DGCR2: variants seen among roughly 807,000 people sequenced by gnomAD.
The protein encoded by DGCR2 is integral membrane protein DGCR2/IDD.
In DGCR2, 24 loss-of-function variants were observed where a neutral mutation model predicts 51.6. The ratio of observed to expected loss-of-function variants is 0.47; its 90% CI spans 0.34 to 0.65. The LOEUF is 0.65. Ranked by LOEUF, DGCR2 falls within the 30% of genes least tolerant of loss-of-function variation. The pLI is 0.01. For missense variants in DGCR2, 765 were observed against 772.1 expected (o/e 0.99, Z 0.11); for synonymous variants, 340 against 315.4 (o/e 1.08, Z -0.82).
intron 7 of DGCR2, among the ~76,000 whole-genome samples, chr22:19,043,028 C>T (rs979748382): frequency 8.5e-5 from 13 of 152,182 alleles, no homozygotes; most frequent in African/African-American, 2.2e-4. Flanking sequence ...TGGGTACACA[C>T]GCACCAAGCG....
At chr22:19,080,256 C>A (rs1300731235) in intron 2 of DGCR2, among the ~76,000 whole-genome samples, 1 of 152,180 alleles carries the variant, frequency 6.6e-6, no homozygotes, top group African/African-American at 2.4e-5. Flanking sequence ...CCTGGTGTCA[C>A]TTATTTTGCA....
At chr22:19,116,723 G>T (rs1015921054) in intron 1 of DGCR2, among the ~76,000 whole-genome samples, 1 of 152,132 alleles carries the variant, frequency 6.6e-6, no homozygotes, top group Non-Finnish European at 1.5e-5. Flanking sequence ...TTAGAGTCAA[G>T]AAACTACTAA....
chr22:19,088,364 G>T (rs2083041016), intron 2 of DGCR2, among the ~76,000 whole-genome samples: 1 of 152,128 alleles, frequency 6.6e-6, no homozygotes, highest in African/African-American at 2.4e-5. Context: ...CTCCCACTGG[G>T]GTAACATCTG....
At position 19,039,096 on chromosome 22, in the gene DGCR2, C is replaced by T. The variant is rs1384562402; in HGVS notation, c.1422G>A (p.Glu474=). Residue 474 remains glutamate, a synonymous_variant, in exon 10 of 10, where the codon GAG becomes GAA. Transcript: ENST00000263196. ...PADDDAFEPV[E]VSLPAPGDGG... is the part of the protein sequence containing the mutation. The stretch of plus-strand genomic sequence containing the variant: ...CATCCCCAGGGGCTGGCAGGCTGAC[C>T]TCCACAGGCTCAAAAGCATCATCGT... The T allele has an allele frequency of 1.2e-6, 2 of 1,613,190 alleles. No individual in the cohort carries two copies. Among genetic ancestry groups the T allele is most frequent in the East Asian group, 4.5e-5 (2 of 44,880 alleles).
chr22:19,119,247 TG>T (rs2083405722), intron 1 of DGCR2, among the ~76,000 whole-genome samples: 1 of 152,102 alleles, frequency 6.6e-6, no homozygotes, highest in Admixed American at 6.5e-5. Flanking sequence ...GGGTGCATGA[TG>T]GGGGGAAGGC....
At chr22:19,081,721 A>C (rs1247945943) in intron 2 of DGCR2, among the ~76,000 whole-genome samples, 1 of 152,242 alleles carries the variant, frequency 6.6e-6, no homozygotes, top group Non-Finnish European at 1.5e-5. Context: ...ACAGAAAATA[A>C]GAATGTTCAG....
chr22:19,121,218 C>A (rs1230071253), intron 1 of DGCR2, among the ~76,000 whole-genome samples: 1 of 152,164 alleles, frequency 6.6e-6, no homozygotes, highest in Admixed American at 6.5e-5. Context: ...TGCTTTTTCA[C>A]TGTATTAGTA....
intron 2 of DGCR2, among the ~76,000 whole-genome samples, chr22:19,071,807 C>T (rs886204338): frequency 6.6e-6 from 1 of 152,126 alleles, no homozygotes; most frequent in Non-Finnish European, 1.5e-5. Context: ...GAAAAGGCTT[C>T]TGTAGAGGAT....
At chr22:19,048,238 A>G in intron 7 of DGCR2, 2 of 609,514 alleles carry the variant, frequency 3.3e-6, no homozygotes, top group South Asian at 3.9e-5. Context: ...GGAAGGAGGC[A>G]GCTGGAGGGG....
intron 1 of DGCR2, among the ~76,000 whole-genome samples, chr22:19,119,545 G>A (rs1307581229): frequency 3.3e-5 from 5 of 152,054 alleles, no homozygotes; most frequent in South Asian, 2.1e-4. Flanking sequence ...AGACCAGCCC[G>A]GCCAACATGG....
At chr22:19,080,297 T>G (rs1038253022) in intron 2 of DGCR2, among the ~76,000 whole-genome samples, 4 of 152,234 alleles carry the variant, frequency 2.6e-5, no homozygotes, top group African/African-American at 9.6e-5. Context: ...AGAAACACAA[T>G]GCAAACCACA....
chr22:19,119,715 A>T (rs965615695), intron 1 of DGCR2, among the ~76,000 whole-genome samples: 42 of 148,508 alleles, frequency 2.8e-4, no homozygotes, highest in Admixed American at 5.4e-4. Flanking sequence ...CAGCCTGAGC[A>T]ACAGAGCAGG....
rs1045527749 is a variant in DGCR2 at position 19,057,502 on chromosome 22, A to G, written c.626-340T>C. ...AGAGCAACAGCATAATAACAAAGTA[A>G]TGGATTGTGGCACACTGGATTAAAA... On this transcript the variant is annotated intron_variant, in intron 5 of 9. Coordinates refer to ENST00000263196, the MANE Select transcript of DGCR2 (RefSeq NM_005137.3). This position sits in a 1 kb window ranked among gnomAD's most constrained non-coding sequence, Gnocchi z 5.1. 9.9e-5 allele frequency among the ~76,000 whole-genome samples: 15 copies of G among 152,246 alleles called. No individual in the cohort carries two copies. The highest frequency in any genetic ancestry group is 1.9e-4 in the Non-Finnish European group (13 of 68,046).
At chr22:19,116,289 C>T (rs1421461802) in intron 1 of DGCR2, among the ~76,000 whole-genome samples, 1 of 152,246 alleles carries the variant, frequency 6.6e-6, no homozygotes, top group Non-Finnish European at 1.5e-5. Context: ...GCATCTGGGT[C>T]CACAGGCTAT....
intron 2 of DGCR2, among the ~76,000 whole-genome samples, chr22:19,070,414 C>T (rs2082801470): frequency 2.0e-5 from 3 of 152,222 alleles, no homozygotes; most frequent in Admixed American, 6.5e-5. Flanking sequence ...CAACATCTCC[C>T]TCTGCTCAAA....
intron 7 of DGCR2, chr22:19,046,236 T>C (rs2082488427): frequency 1.9e-5 from 1 of 53,330 alleles, no homozygotes; most frequent in Non-Finnish European, 3.8e-5. Context: ...GTGCACATAT[T>C]TTATATTATT....
chr22:19,053,366 G>A (rs890816822), intron 6 of DGCR2, among the ~76,000 whole-genome samples: 1 of 152,124 alleles, frequency 6.6e-6, no homozygotes, highest in African/African-American at 2.4e-5. Flanking sequence ...TAGAGATGTA[G>A]CCCAAAGGGA....
At chr22:19,060,762 T>G (rs1223858205) in intron 5 of DGCR2, 1 of 411,402 alleles carries the variant, frequency 2.4e-6, no homozygotes, top group Admixed American at 2.9e-5. Flanking sequence ...CCTGGTGCTG[T>G]CAAACCTGCA....
At chr22:19,097,638 G>A (rs1449225387) in intron 1 of DGCR2, among the ~76,000 whole-genome samples, 1 of 152,196 alleles carries the variant, frequency 6.6e-6, no homozygotes, top group Non-Finnish European at 1.5e-5. Context: ...ACCACACTTA[G>A]TGTCCATAAC....
Sources: gnomAD v4.1 joint callset for allele counts (sites outside exome capture counted in the v4.1 genomes callset) on GRCh38, gnomAD v4.1.1 for gene constraint, Gnocchi (gnomAD v3.1) non-coding constraint, MANE v1.5 for transcripts, NCBI Gene and HGNC (gene_info 2026-07-23, HGNC 2026-07-21) for gene names.